The following ZNF793 variants were observed in gnomAD, a reference collection of about 807,000 sequenced individuals.
ZNF793 encodes zinc finger protein 793.
A neutral mutation model predicts 12.4 loss-of-function variants in ZNF793; 5 were observed. The observed-to-expected ratio is 0.40, with a 90% CI of 0.21 to 0.84. ZNF793 has a LOEUF of 0.84. Among genes scored for constraint, ZNF793 ranks in the 40% least tolerant of loss-of-function variants. The probability of loss-of-function intolerance (pLI) is 0.35; values close to 1 mark genes in which losing one functional copy is unlikely to be tolerated. For synonymous variants in ZNF793, 162 were observed against 172.4 expected (o/e 0.94, Z 0.47); for missense variants, 456 against 495.0 (o/e 0.92, Z 0.75).
chr19:37,529,610 A>C (rs1270580106), intron 5 of ZNF793, among the ~76,000 whole-genome samples: 1 of 152,150 alleles, frequency 6.6e-6, no homozygotes, highest in East Asian at 1.9e-4. Flanking sequence ...CTCCTGCCTC[A>C]GCCTCCTGCG....
At chr19:37,529,787 C>T (rs2147095649) in intron 5 of ZNF793, among the ~76,000 whole-genome samples, 1 of 152,306 alleles carries the variant, frequency 6.6e-6, no homozygotes, top group African/African-American at 2.4e-5. Context: ...GCCACCATGC[C>T]TGGCCTGGAG....
intron 4 of ZNF793, 91 bp from the exon 5 acceptor site, chr19:37,523,319 G>A: frequency 1.0e-6 from 1 of 995,414 alleles, no homozygotes; most frequent in Non-Finnish European, 1.6e-6. Context: ...TATTTACAAA[G>A]GGAATTTGCA....
chr19:37,532,773 T>C (rs1023837681), intron 6 of ZNF793, among the ~76,000 whole-genome samples: 1 of 152,020 alleles, frequency 6.6e-6, no homozygotes, highest in Non-Finnish European at 1.5e-5. Context: ...GAGCCGATAT[T>C]GCACCATTGC....
rs2042552811 is a variant in ZNF793 at position 37,541,687 on chromosome 19, A to T, written c.*3808A>T. 1 of 151,276 alleles carries T rather than the reference A, an allele frequency of 6.6e-6. No individual in the cohort carries two copies. The allele number at this position is 151,276 out of a possible 1,614,324, so 9.4% of individuals were successfully genotyped here. On this transcript the variant is annotated 3_prime_UTR_variant, in exon 8 of 8. Coordinates refer to ENST00000627814, the MANE Select transcript of ZNF793 (RefSeq NM_001013659.3). ...GAGCAAGACTCCATCTCAGAAAAAA[A>T]GAAAAAGAAAAAAAAAAGGAAACAA...
At chr19:37,518,203 G>A (rs2042347670) in intron 2 of ZNF793, among the ~76,000 whole-genome samples, 1 of 151,994 alleles carries the variant, frequency 6.6e-6, no homozygotes, top group Non-Finnish European at 1.5e-5. Context: ...TCGGCTCGCT[G>A]CAACCTCCGC....
In ZNF793 at chr19:37,508,667, C is replaced by T. The variant is rs1176932911; in HGVS notation, c.-276+264C>T. ...ATTGCAGTGAAACGAGATTGTACCA[C>T]TGCACTCCAGCCCGGGTGACAGAAT... On this transcript the variant is annotated intron_variant, in intron 2 of 7. Transcript: ENST00000627814. Among the ~76,000 whole-genome samples, 5 of 152,238 alleles carry T rather than the reference C, an allele frequency of 3.3e-5. No homozygotes were observed. In the East Asian group the frequency reaches 9.6e-4, roughly 29 times the overall value.
At chr19:37,521,400 GGCATGAATCACCAT>G (rs2042374508) in intron 3 of ZNF793, among the ~76,000 whole-genome samples, 1 of 150,962 alleles carries the variant, frequency 6.6e-6, no homozygotes, top group African/African-American at 2.4e-5. Context: ...TGGGATTACA[GGCATGAATCACCAT>G]GCATGGTCAA....
rs996009404 is a variant in ZNF793 at position 37,539,028 on chromosome 19, A to G, written c.*1149A>G. ...AGCTACATTTTTCCACCTTTTTGTA[A>G]TACATGTAAATGGCTATAGAGGTTG... On this transcript the variant is annotated 3_prime_UTR_variant, in exon 8 of 8. Coordinates refer to ENST00000627814, the MANE Select transcript of ZNF793 (RefSeq NM_001013659.3). The G allele has an allele frequency of 1.1e-4, 17 of 152,222 alleles. No homozygotes were observed. The highest frequency in any genetic ancestry group is 3.9e-4 in the African/African-American group (16 of 41,456). The allele number at this position is 152,222 out of a possible 1,614,324, so 9.4% of individuals were successfully genotyped here.
At chr19:37,534,246 G>C (rs1285589995) in intron 7 of ZNF793, 2 of 152,008 alleles carry the variant, frequency 1.3e-5, no homozygotes, top group Admixed American at 1.3e-4. Context: ...TGCATTTTCT[G>C]TTTTCCATAA....
At chr19:37,521,361 G>A (rs2042374054) in intron 3 of ZNF793, among the ~76,000 whole-genome samples, 2 of 150,768 alleles carry the variant, frequency 1.3e-5, no homozygotes, top group African/African-American at 2.4e-5. Flanking sequence ...GACCTCAAGC[G>A]ATCCACCCAC....
In ZNF793 at chr19:37,537,150, TGA is replaced by T. The variant is rs768344527; in HGVS notation, c.494_495del (p.Glu165ValfsTer15). 1.2e-6 allele frequency: 2 copies of T among 1,613,430 alleles called. No homozygotes were observed. The highest frequency in any genetic ancestry group is 2.7e-5 in the African/African-American group (2 of 74,924). ...AGAGAAACTGTGCAAAAAAGCAAGA[TGA>T]GTGTTATGCTTATGGGAAATTGCTT... ...FKRNCAKKQD[E>X]CYAYGKLLQR... On this transcript the variant is annotated frameshift_variant, in exon 8 of 8. Transcript: ENST00000627814. LOFTEE classifies it low-confidence loss of function (END_TRUNC).
At chr19:37,530,569 A>T (rs947719610) in intron 5 of ZNF793, among the ~76,000 whole-genome samples, 1 of 152,168 alleles carries the variant, frequency 6.6e-6, no homozygotes, top group Admixed American at 6.5e-5. Flanking sequence ...AACAAAGCAC[A>T]TCCTGCACAG....
Position 37,537,449 on chromosome 19 carries a change from T to G in ZNF793, c.791T>G (p.Phe264Cys), listed in dbSNP as rs1448858398. ...GGCTGCACTGACTGTGGGAAAGCCT[T>G]TTCACATAAGTCAACCCTCATCAAA... ...PYGCTDCGKA[F>C]SHKSTLIKHQ... The change falls in exon 8 of 8, where the codon TTT becomes TGT. Residue 264 changes from phenylalanine (F) to cysteine (C), a missense_variant. By Grantham distance (205) the Phe-to-Cys change is radical. Coordinates refer to ENST00000627814, the MANE Select transcript of ZNF793 (RefSeq NM_001013659.3). 6.2e-7 allele frequency: 1 copy of G among 1,613,760 alleles called. No individual in the cohort carries two copies. The highest frequency in any genetic ancestry group is 1.7e-5 in the Admixed American group (1 of 59,980).
chr19:37,507,854 A>G (rs2042262997), intron 1 of ZNF793, among the ~76,000 whole-genome samples: 1 of 152,190 alleles, frequency 6.6e-6, no homozygotes, highest in African/African-American at 2.4e-5. Flanking sequence ...AGATTTGAAC[A>G]TAGGGGAATA....
intron 2 of ZNF793, among the ~76,000 whole-genome samples, chr19:37,509,356 A>C (rs1383083161): frequency 6.6e-6 from 1 of 152,236 alleles, no homozygotes; most frequent in Non-Finnish European, 1.5e-5. Context: ...TCTGAGTTAG[A>C]AAATAAGATT....
In ZNF793 at chr19:37,541,685, AAAG is replaced by A. The variant is rs984283652; in HGVS notation, c.*3809_*3811del. On this transcript the variant is annotated 3_prime_UTR_variant, in exon 8 of 8. Transcript: ENST00000627814. ...CAGAGCAAGACTCCATCTCAGAAAA[AAAG>A]AAAAAGAAAAAAAAAAGGAAACAAA... 169 of 151,702 alleles carry A rather than the reference AAAG, an allele frequency of 1.1e-3. No individual in the cohort carries two copies. Among genetic ancestry groups the A allele is most frequent in the Middle Eastern group, 6.8e-3 (2 of 296 alleles). The allele number at this position is 151,702 out of a possible 1,614,324, so 9.4% of individuals were successfully genotyped here.
intron 2 of ZNF793, among the ~76,000 whole-genome samples, chr19:37,513,917 A>G (rs934105652): frequency 6.6e-6 from 1 of 152,230 alleles, no homozygotes; most frequent in Non-Finnish European, 1.5e-5. Flanking sequence ...CAAGGAAGTT[A>G]GAAAATATAT....
At chr19:37,515,980 G>A (rs1002634017) in intron 2 of ZNF793, among the ~76,000 whole-genome samples, 1 of 150,348 alleles carries the variant, frequency 6.7e-6, no homozygotes, top group African/African-American at 2.4e-5. Context: ...TGAAAAATAA[G>A]TAACAAGAGG....
chr19:37,518,167 C>G (rs1282217393), intron 2 of ZNF793, among the ~76,000 whole-genome samples: 1 of 152,032 alleles, frequency 6.6e-6, no homozygotes, highest in Non-Finnish European at 1.5e-5. Flanking sequence ...GCTCTGTCGC[C>G]CAGGCTGGAG....
Sources: allele counts gnomAD v4.1 joint callset (sites outside exome capture counted in the v4.1 genomes callset), GRCh38; gene constraint gnomAD v4.1.1; transcripts MANE v1.5; gene names NCBI Gene and HGNC (gene_info 2026-07-23, HGNC 2026-07-21).